ZFHX3: variants seen among roughly 807,000 people sequenced by gnomAD.
ZFHX3 encodes the protein zinc finger homeobox 3.
ZFHX3 carries 42 observed loss-of-function variants against 279.1 expected under a neutral mutation model. That is an observed-to-expected ratio of 0.15 (90% confidence interval 0.12 to 0.19). ZFHX3 has a LOEUF of 0.19. Ranked by LOEUF, ZFHX3 falls within the 10% of genes least tolerant of loss-of-function variation. The pLI is 1.00. For missense variants in ZFHX3, 4,981 were observed against 4,754.0 expected (o/e 1.05, Z -1.40); for synonymous variants, 2,293 against 1,957.8 (o/e 1.17, Z -4.52).
intron 2 of ZFHX3, among the ~76,000 whole-genome samples, chr16:73,602,740 T>C (rs1336254350): frequency 7.9e-6 from 1 of 126,738 alleles, no homozygotes; most frequent in African/African-American, 2.9e-5. Context: ...AGGTCAGGAG[T>C]TCAAGACCGG....
chr16:73,775,351 A>G (rs895264554), intron 1 of ZFHX3, among the ~76,000 whole-genome samples: 8 of 152,192 alleles, frequency 5.3e-5, no homozygotes, highest in African/African-American at 1.9e-4. Context: ...ATATAAGCGC[A>G]TCGTTTCATG....
chr16:73,780,923 A>G (rs1245194112), intron 1 of ZFHX3, among the ~76,000 whole-genome samples: 1 of 152,266 alleles, frequency 6.6e-6, no homozygotes, highest in Non-Finnish European at 1.5e-5. Flanking sequence ...TGCTATTTAC[A>G]GAGAAGTCCC....
intron 7 of ZFHX3, among the ~76,000 whole-genome samples, chr16:72,802,299 C>A (rs2036126795): frequency 6.6e-6 from 1 of 152,080 alleles, no homozygotes; most frequent in Admixed American, 6.5e-5. Flanking sequence ...GACACCAATT[C>A]ATCAGCCCTC....
intron 5 of ZFHX3, among the ~76,000 whole-genome samples, chr16:73,157,087 A>G (rs1464544725): frequency 2.6e-5 from 4 of 152,098 alleles, no homozygotes; most frequent in African/African-American, 4.8e-5. Flanking sequence ...ACGTTTCTAA[A>G]GCGCACTCAG....
At chr16:72,888,679 G>A (rs1466997594) in intron 4 of ZFHX3, among the ~76,000 whole-genome samples, 2 of 152,260 alleles carry the variant, frequency 1.3e-5, no homozygotes, top group Non-Finnish European at 2.9e-5. Context: ...GGAGCTTCAA[G>A]AAAGGGCTGG....
chr16:73,407,197 A>T (rs966602369), intron 3 of ZFHX3, among the ~76,000 whole-genome samples: 1 of 152,188 alleles, frequency 6.6e-6, no homozygotes, highest in African/African-American at 2.4e-5. Context: ...CACCACGGAG[A>T]ATGATCCAGC....
chr16:73,652,997 A>G (rs1018714417), intron 2 of ZFHX3, among the ~76,000 whole-genome samples: 16 of 152,168 alleles, frequency 1.1e-4, no homozygotes, highest in Admixed American at 2.6e-4. Flanking sequence ...TATCTACAAA[A>G]TAAAGATACA....
chr16:73,365,463 C>T (rs1041192986), intron 3 of ZFHX3, among the ~76,000 whole-genome samples: 5 of 152,264 alleles, frequency 3.3e-5, no homozygotes, highest in East Asian at 1.9e-4. Flanking sequence ...GACTTGCTAG[C>T]GATGGGGCTC....
At chr16:73,773,272 C>A (rs527677787) in intron 1 of ZFHX3, among the ~76,000 whole-genome samples, 9 of 152,350 alleles carry the variant, frequency 5.9e-5, no homozygotes, top group Non-Finnish European at 1.3e-4. Flanking sequence ...GAGGGTGCCA[C>A]CCCAGGCAGC....
At chr16:73,293,282 G>T (rs533020345) in intron 4 of ZFHX3, among the ~76,000 whole-genome samples, 8 of 152,270 alleles carry the variant, frequency 5.3e-5, no homozygotes, top group Admixed American at 2.6e-4. Context: ...CTATGAAGGA[G>T]ACTCTGAACC....
chr16:73,226,532 G>C (rs2012596733), intron 5 of ZFHX3, among the ~76,000 whole-genome samples: 2 of 152,230 alleles, frequency 1.3e-5, no homozygotes, highest in Non-Finnish European at 2.9e-5. Context: ...TGAAATATTA[G>C]GCATATGTGT....
At chr16:73,448,113 G>A (rs1044521415) in intron 3 of ZFHX3, among the ~76,000 whole-genome samples, 1 of 152,114 alleles carries the variant, frequency 6.6e-6, no homozygotes, top group African/African-American at 2.4e-5. Context: ...GGGGGCAGGG[G>A]CAGATATTAA....
chr16:73,501,086 T>C (rs1699294563), intron 2 of ZFHX3, among the ~76,000 whole-genome samples: 1 of 152,248 alleles, frequency 6.6e-6, no homozygotes, highest in Non-Finnish European at 1.5e-5. Flanking sequence ...ACCTTTTCTA[T>C]ATTTAGATAT....
At chr16:72,924,017 T>C (rs1172432742) in intron 3 of ZFHX3, among the ~76,000 whole-genome samples, 1 of 152,220 alleles carries the variant, frequency 6.6e-6, no homozygotes, top group Non-Finnish European at 1.5e-5. Flanking sequence ...TGTAACGGGC[T>C]AGCTAGCACT....
At chr16:73,730,388 G>GAA (rs2053560086) in intron 1 of ZFHX3, among the ~76,000 whole-genome samples, 1 of 143,256 alleles carries the variant, frequency 7.0e-6, no homozygotes, top group African/African-American at 2.6e-5. Flanking sequence ...AAAAGAGAGA[G>GAA]AAAGAAAGAA....
At position 73,142,027 on chromosome 16, in the gene ZFHX3, C is replaced by T. The variant is rs570499939; in HGVS notation, c.-1024+1725G>A. Among the ~76,000 whole-genome samples the T allele has an allele frequency of 5.9e-5, 9 of 152,328 alleles. 1 individual carries two copies. The South Asian group carries it at 1.9e-3, about 32-fold the overall frequency. ...AAACTGAACAAGGCTGCGATGAAGG[C>T]TCTGATGGGCTGCACATCATCACCC... On this transcript the variant is annotated intron_variant, in intron 6 of 17. Coordinates refer to the ZFHX3 transcript ENST00000641206.
rs574592193 is a variant in ZFHX3 at position 73,121,902 on chromosome 16, A to G, written c.-897+9066T>C. On this transcript the variant is annotated intron_variant, in intron 7 of 17. Transcript: ENST00000641206. ...AGTGTTGGGATTACAGGCATGAGCC[A>G]CCGCACCCAGCCATAATTGTGGTTT... 4.7e-4 allele frequency among the ~76,000 whole-genome samples: 71 copies of G among 152,274 alleles called. No individual in the cohort carries two copies. The Middle Eastern group carries it at 0.01, about 22-fold the overall frequency.
intron 1 of ZFHX3, among the ~76,000 whole-genome samples, chr16:73,882,408 G>A (rs2030198142): frequency 1.3e-5 from 2 of 152,032 alleles, no homozygotes; most frequent in East Asian, 3.9e-4. Flanking sequence ...TAGGAAAGTG[G>A]TACAGAAACA....
chr16:73,071,476 T>TGCC lies in ZFHX3; in HGVS notation c.-532-12467_-532-12465dup, dbSNP rs59328820. 7.4e-3 allele frequency among the ~76,000 whole-genome samples: 1,126 copies of TGCC among 151,170 alleles called. 5 individuals are homozygous for TGCC. Among genetic ancestry groups the TGCC allele is most frequent in the African/African-American group, 0.011 (458 of 40,866 alleles). On this transcript the variant is annotated intron_variant, in intron 8 of 17. Coordinates refer to the ZFHX3 transcript ENST00000641206. ...TTTTCTCTGCTGCTGCTGCTGCTGCTGCCGCCGCCGCCGCCGCCGCCGATA... is the reference window on the plus strand; with the variant it reads ...TTTTCTCTGCTGCTGCTGCTGCTGCTGCCGCCGCCGCCGCCGCCGCCGCCGATA...
Sources: gnomAD v4.1 joint callset for allele counts (sites outside exome capture counted in the v4.1 genomes callset) on GRCh38, gnomAD v4.1.1 for gene constraint, MANE v1.5 for transcripts, NCBI Gene and HGNC (gene_info 2026-07-23, HGNC 2026-07-21) for gene names.